Variants in CCSER2 observed in about 807,000 individuals in gnomAD.
CCSER2 encodes the protein coiled-coil serine rich protein 2, also known as serine-rich coiled-coil domain-containing protein 2.
A neutral mutation model predicts 92.3 loss-of-function variants in CCSER2; 46 were observed. The ratio of observed to expected loss-of-function variants is 0.50; its 90% CI spans 0.39 to 0.64. The LOEUF (loss-of-function observed/expected upper bound fraction) is 0.64. CCSER2 is among the 30% of genes least tolerant of loss of function. The pLI is 0.00. For missense variants in CCSER2, 1,244 were observed against 1,238.9 expected, an observed-to-expected ratio of 1.00 and a Z score of -0.06; for synonymous variants, 433 against 431.4, an observed-to-expected ratio of 1.00 and a Z score of -0.04.
chr10:84,415,002 A>G (rs1044812864), intron 3 of CCSER2, among the ~76,000 whole-genome samples: 1 of 152,166 alleles, frequency 6.6e-6, no homozygotes, highest in Non-Finnish European at 1.5e-5. Context: ...CCATCAGGTC[A>G]GTTATGTTCC....
chr10:84,426,464 C>T (rs1843439623), intron 5 of CCSER2, among the ~76,000 whole-genome samples: 1 of 152,130 alleles, frequency 6.6e-6, no homozygotes, highest in Admixed American at 6.5e-5. Flanking sequence ...GCTTTGCAAG[C>T]TTAGATAATT....
intron 3 of CCSER2, among the ~76,000 whole-genome samples, chr10:84,411,932 A>G (rs1842671466): frequency 6.6e-6 from 1 of 152,016 alleles, no homozygotes; most frequent in African/African-American, 2.4e-5. Flanking sequence ...TCAGTATGAT[A>G]TTGGTTGTGG....
At chr10:84,508,712 T>C (rs1353526220) in intron 9 of CCSER2, among the ~76,000 whole-genome samples, 1 of 152,192 alleles carries the variant, frequency 6.6e-6, no homozygotes, top group Non-Finnish European at 1.5e-5. Context: ...ATAGATAGTG[T>C]TGACATTATT....
intron 1 of CCSER2, among the ~76,000 whole-genome samples, chr10:84,363,954 A>G (rs1014605530): frequency 6.6e-6 from 1 of 152,258 alleles, no homozygotes; most frequent in African/African-American, 2.4e-5. Flanking sequence ...TATCTTGCTT[A>G]TAGGCTACAA....
chr10:84,330,813 T>TA lies in CCSER2; in HGVS notation c.-40+2013dup, dbSNP rs140056524. Among the ~76,000 whole-genome samples, 1,130 of 152,054 alleles carry TA rather than the reference T, an allele frequency of 7.4e-3. 9 individuals carry two copies. Among genetic ancestry groups the TA allele is most frequent in the African/African-American group, 0.023 (969 of 41,492 alleles). ...GTTAGGAATGAAACCCCAGTTATGT[T>TA]AAAAAAAATCCATTTTATGATACAG... On this transcript the variant is annotated intron_variant, in intron 1 of 9. Coordinates refer to ENST00000372088, the MANE Select transcript of CCSER2 (RefSeq NM_001284240.2).
At chr10:84,347,617 C>T (rs991565956) in intron 1 of CCSER2, among the ~76,000 whole-genome samples, 91 of 151,846 alleles carry the variant, frequency 6.0e-4, no homozygotes, top group Non-Finnish European at 1.0e-3. Flanking sequence ...ACCTCCCTCC[C>T]GGATGGGGTG....
At chr10:84,430,370 AT>A (rs1843699188) in intron 5 of CCSER2, among the ~76,000 whole-genome samples, 3 of 152,202 alleles carry the variant, frequency 2.0e-5, no homozygotes, top group Admixed American at 2.0e-4. Flanking sequence ...TCTTGTGGAC[AT>A]TTCTTTCCTC....
In CCSER2 at chr10:84,488,152, T is replaced by C. The variant is rs956316023; in HGVS notation, c.2325+10488T>C. Among the ~76,000 whole-genome samples, 59 of 152,376 alleles carry C rather than the reference T, an allele frequency of 3.9e-4. 1 individual carries two copies. Among genetic ancestry groups the C allele is most frequent in the Admixed American group, 3.1e-3 (48 of 15,306 alleles). ...CTGTATTTGGTTTGCCAGTGTTTTATTGAGGATTTTTGCATCGATGTTCAT... is the reference window on the plus strand; with the variant it reads ...CTGTATTTGGTTTGCCAGTGTTTTACTGAGGATTTTTGCATCGATGTTCAT... On this transcript the variant is annotated intron_variant, in intron 9 of 9. Transcript: ENST00000372088.
chr10:84,423,728 TTAAAC>T (rs1475995817), intron 4 of CCSER2, among the ~76,000 whole-genome samples: 1 of 152,182 alleles, frequency 6.6e-6, no homozygotes. Context: ...ATAGAGTTAC[TTAAAC>T]TAAAGAAACA....
chr10:84,393,355 T>C (rs1221631882), intron 3 of CCSER2, among the ~76,000 whole-genome samples: 1 of 152,188 alleles, frequency 6.6e-6, no homozygotes, highest in East Asian at 1.9e-4. Context: ...GTAAAAGATG[T>C]GTAAAAGGCT....
chr10:84,373,115 T>C (rs148802752), intron 2 of CCSER2, among the ~76,000 whole-genome samples: 120 of 152,232 alleles, frequency 7.9e-4, no homozygotes, highest in African/African-American at 2.8e-3. Context: ...GGATTAGATA[T>C]AGACATGTGG....
rs753599765 is a variant in CCSER2, at chr10:84,373,705, T to A, written c.1504T>A (p.Ser502Thr). The A allele has an allele frequency of 5.6e-6, 9 of 1,613,664 alleles. No homozygotes were observed. The highest frequency in any genetic ancestry group is 7.6e-6 in the Non-Finnish European group (9 of 1,179,682). ...DYRAGSSFEL[S>T]PSDSSDGTYM... ...CAGAGCTGGTTCTTCGTTTGAACTCTCTCCATCTGATAGCTCTGATGGAAC... is the reference window on the plus strand; with the variant it reads ...CAGAGCTGGTTCTTCGTTTGAACTCACTCCATCTGATAGCTCTGATGGAAC... The change falls in exon 3 of 10, where the codon TCT (serine) becomes ACT (threonine). Residue 502 changes from serine (S) to threonine (T), a missense_variant. Physicochemically the swap from Ser to Thr is moderately conservative, Grantham distance 58. Transcript: ENST00000372088.
intron 1 of CCSER2, among the ~76,000 whole-genome samples, chr10:84,341,033 A>T: frequency 6.8e-6 from 1 of 146,554 alleles, no homozygotes; most frequent in East Asian, 2.0e-4. Context: ...CACTCAATGT[A>T]ACACTTTTTT....
intron 3 of CCSER2, among the ~76,000 whole-genome samples, chr10:84,414,732 A>C (rs2133377962): frequency 6.6e-6 from 1 of 152,224 alleles, no homozygotes; most frequent in African/African-American, 2.4e-5. Context: ...TGATATCCTG[A>C]AGTATGTTTC....
intron 6 of CCSER2, among the ~76,000 whole-genome samples, chr10:84,452,658 C>T (rs1845363277): frequency 6.6e-6 from 1 of 152,010 alleles, no homozygotes; most frequent in Non-Finnish European, 1.5e-5. Context: ...TATTTTTGCT[C>T]CTGTGCATTT....
intron 8 of CCSER2, among the ~76,000 whole-genome samples, chr10:84,476,518 C>T (rs891209246): frequency 7.4e-6 from 1 of 134,988 alleles, no homozygotes; most frequent in African/African-American, 2.8e-5. Context: ...AATCTGTGCT[C>T]ACTGCAAGCT....
Position 84,513,731 on chromosome 10 carries a change from C to A in CCSER2, c.2608C>A (p.Pro870Thr). 1 of 1,537,714 alleles carries A rather than the reference C, an allele frequency of 6.5e-7. No homozygotes were observed. Among genetic ancestry groups the A allele is most frequent in the Non-Finnish European group, 8.7e-7 (1 of 1,147,014 alleles). Residue 870 changes from proline to threonine, a missense_variant, in exon 10 of 10, where the codon CCT (proline) becomes ACT (threonine). Pro to Thr is a conservative substitution (Grantham distance 38). Transcript: ENST00000372088. The stretch of plus-strand genomic sequence containing the variant: ...AAACATTACTGTAAATGCTCAAGAG[C>A]CTTATCATTTGGCAAACAATCAAAT... ...NLNITVNAQEPYHLANNQISD... is the reference protein window; with the variant it reads ...NLNITVNAQETYHLANNQISD...
intron 1 of CCSER2, among the ~76,000 whole-genome samples, chr10:84,338,304 A>C (rs1254700241): frequency 2.3e-4 from 6 of 26,008 alleles, no homozygotes; most frequent in Admixed American, 2.1e-3. Context: ...AAAAAAAAAA[A>C]ACAAAAAAAA....
intron 9 of CCSER2, among the ~76,000 whole-genome samples, chr10:84,479,523 A>G (rs1056542742): frequency 1.3e-5 from 2 of 152,236 alleles, no homozygotes; most frequent in African/African-American, 2.4e-5. Flanking sequence ...AGGAAGAAAT[A>G]TAGTAGTAGA....
Sources: gnomAD v4.1 joint callset for allele counts (sites outside exome capture counted in the v4.1 genomes callset) on GRCh38, gnomAD v4.1.1 for gene constraint, MANE v1.5 for transcripts, NCBI Gene and HGNC (gene_info 2026-07-23, HGNC 2026-07-21) for gene names.